The following PRKCE variants were observed in gnomAD, a reference collection of about 807,000 sequenced individuals.
PRKCE encodes the protein protein kinase C epsilon.
PRKCE carries 16 observed loss-of-function variants against 85.4 expected under a neutral mutation model. The observed-to-expected ratio is 0.19, with a 90% CI of 0.13 to 0.28. The LOEUF (loss-of-function observed/expected upper bound fraction) is 0.28, where lower values mean the gene tolerates loss of function less well. PRKCE is among the 10% of genes least tolerant of loss of function. The pLI is 1.00. For synonymous variants in PRKCE, 388 were observed against 371.5 expected (o/e 1.04, Z -0.51); for missense variants, 573 against 975.2 (o/e 0.59, Z 5.49).
At chr2:46,111,196 AAATG>A (rs1280497942) in intron 11 of PRKCE, among the ~76,000 whole-genome samples, 2 of 16,820 alleles carry the variant, frequency 1.2e-4, no homozygotes, top group Non-Finnish European at 2.1e-4. Context: ...GTCAATTTAT[AAATG>A]TTAAGTTGAT....
intron 1 of PRKCE, among the ~76,000 whole-genome samples, chr2:45,680,364 C>G (rs1464488791): frequency 1.3e-5 from 2 of 152,162 alleles, no homozygotes; most frequent in African/African-American, 2.4e-5. Flanking sequence ...CCTTCTTTCC[C>G]CTCTGCAGGG....
At chr2:46,173,133 C>G (rs190225901) in intron 14 of PRKCE, among the ~76,000 whole-genome samples, 24 of 152,366 alleles carry the variant, frequency 1.6e-4, no homozygotes, top group African/African-American at 5.8e-4. Flanking sequence ...TGCTTTTGTG[C>G]AGCCCTAGAA....
At chr2:45,705,404 G>T (rs1679027642) in intron 1 of PRKCE, among the ~76,000 whole-genome samples, 1 of 152,186 alleles carries the variant, frequency 6.6e-6, no homozygotes, top group African/African-American at 2.4e-5. Context: ...AGGATGGCTT[G>T]TCAGAAAACA....
chr2:45,888,290 A>G (rs1460751071), intron 2 of PRKCE, among the ~76,000 whole-genome samples: 1 of 152,118 alleles, frequency 6.6e-6, no homozygotes, highest in Non-Finnish European at 1.5e-5. Flanking sequence ...ACTGTGTATT[A>G]TTTGGGGAAA....
Position 45,743,994 on chromosome 2 carries a change from GTT to G in PRKCE, c.348+91561_348+91562del, listed in dbSNP as rs35173223. Among the ~76,000 whole-genome samples the G allele has an allele frequency of 4.0e-3, 523 of 131,924 alleles. 2 individuals are homozygous for G. Among genetic ancestry groups the G allele is most frequent in the African/African-American group, 0.013 (372 of 29,616 alleles). The allele number at this position is 131,924 out of a possible 152,430, so 86.5% of individuals were successfully genotyped here. On this transcript the variant is annotated intron_variant, in intron 1 of 14. Transcript: ENST00000306156. ...TAGATTGTAGATTTGGCCGTTGTGTGTTTTTTTTTTTTTTTTCCAGATAATGC... is the reference window on the plus strand; with the variant it reads ...TAGATTGTAGATTTGGCCGTTGTGTGTTTTTTTTTTTTTTCCAGATAATGC...
intron 11 of PRKCE, among the ~76,000 whole-genome samples, chr2:46,100,139 T>A (rs1416316178): frequency 6.6e-6 from 1 of 152,170 alleles, no homozygotes; most frequent in Non-Finnish European, 1.5e-5. Flanking sequence ...TGAAAATGAA[T>A]TTCTGAAAAT....
At chr2:45,934,407 G>A (rs1449361537) in intron 2 of PRKCE, among the ~76,000 whole-genome samples, 1 of 152,188 alleles carries the variant, frequency 6.6e-6, no homozygotes, top group African/African-American at 2.4e-5. Context: ...CCAGCACTTT[G>A]GGAGGCTGAG....
At chr2:45,675,386 A>T (rs1676384479) in intron 1 of PRKCE, 1 of 152,316 alleles carries the variant, frequency 6.6e-6, no homozygotes, top group Admixed American at 6.5e-5. Context: ...TTTACTCCAG[A>T]GCAGTGAGGG....
chr2:46,022,244 A>G (rs563991028), intron 10 of PRKCE, among the ~76,000 whole-genome samples: 1 of 152,322 alleles, frequency 6.6e-6, no homozygotes, highest in Non-Finnish European at 1.5e-5. Flanking sequence ...TTTCTCATTC[A>G]TAATAAAAGA....
chr2:45,943,795 C>T (rs1335365468), intron 2 of PRKCE, among the ~76,000 whole-genome samples: 1 of 152,216 alleles, frequency 6.6e-6, no homozygotes, highest in Non-Finnish European at 1.5e-5. Flanking sequence ...TTGCAGAATG[C>T]ACCAGACAGC....
intron 10 of PRKCE, among the ~76,000 whole-genome samples, chr2:46,049,970 C>T (rs1708753483): frequency 6.6e-6 from 1 of 152,210 alleles, no homozygotes; most frequent in Non-Finnish European, 1.5e-5. Flanking sequence ...GTCACCATGG[C>T]CAGTGTAGAA....
intron 14 of PRKCE, among the ~76,000 whole-genome samples, chr2:46,183,735 A>T (rs1232361302): frequency 6.6e-6 from 1 of 151,900 alleles, no homozygotes; most frequent in Admixed American, 6.6e-5. Flanking sequence ...CCTCCCTCCC[A>T]TTTCTACCAG....
At chr2:46,170,643 C>A (rs1286518703) in intron 14 of PRKCE, among the ~76,000 whole-genome samples, 1 of 152,150 alleles carries the variant, frequency 6.6e-6, no homozygotes, top group Non-Finnish European at 1.5e-5. Flanking sequence ...TCTCTTCTCA[C>A]CTTTTATGGC....
intron 10 of PRKCE, among the ~76,000 whole-genome samples, chr2:46,032,113 G>A (rs79991042): frequency 2.4e-3 from 358 of 152,302 alleles, no homozygotes; most frequent in African/African-American, 8.1e-3. Context: ...AACATGTATG[G>A]CCTTTAGCAC....
chr2:45,663,343 G>C (rs1385733084), intron 1 of PRKCE, among the ~76,000 whole-genome samples: 3 of 152,218 alleles, frequency 2.0e-5, no homozygotes, highest in Non-Finnish European at 4.4e-5. Context: ...TTATAAAACA[G>C]TGAATTTGAA....
At chr2:45,917,853 G>A (rs1459047070) in intron 2 of PRKCE, among the ~76,000 whole-genome samples, 4 of 152,202 alleles carry the variant, frequency 2.6e-5, no homozygotes, top group South Asian at 2.1e-4. Context: ...GAAATCGAGC[G>A]CAGCGCCCGT....
At chr2:45,824,154 A>G (rs1383528621) in intron 1 of PRKCE, among the ~76,000 whole-genome samples, 3 of 152,362 alleles carry the variant, frequency 2.0e-5, no homozygotes, top group Non-Finnish European at 4.4e-5. Flanking sequence ...GGTAATCTTG[A>G]GGCAATCAAA....
intron 6 of PRKCE, among the ~76,000 whole-genome samples, chr2:45,985,817 C>G (rs1004403272): frequency 6.6e-6 from 1 of 152,182 alleles, no homozygotes; most frequent in Non-Finnish European, 1.5e-5. Flanking sequence ...GCTGGGGACA[C>G]CTTAACTCGA....
chr2:46,084,368 G>A (rs1187509608), intron 10 of PRKCE, among the ~76,000 whole-genome samples: 1 of 152,138 alleles, frequency 6.6e-6, no homozygotes, highest in Non-Finnish European at 1.5e-5. Context: ...ATGTTACTGA[G>A]ACCTAATGGA....
Sources: allele counts gnomAD v4.1 joint callset (sites outside exome capture counted in the v4.1 genomes callset), GRCh38; gene constraint gnomAD v4.1.1; transcripts MANE v1.5; gene names NCBI Gene and HGNC (gene_info 2026-07-23, HGNC 2026-07-21).